IRGM: variants seen among roughly 807,000 people sequenced by gnomAD.
IRGM encodes the protein immunity related GTPase M, also known as immunity-related GTPase family M protein.
For missense variants in IRGM, 288 were observed against 219.9 expected (o/e 1.31, Z -1.96); for synonymous variants, 98 against 80.6 (o/e 1.22, Z -1.16).
chr5:150,864,511 T>C (rs576827725), intron 1 of IRGM, among the ~76,000 whole-genome samples: 2 of 152,262 alleles, frequency 1.3e-5, no homozygotes, highest in East Asian at 3.9e-4. Context: ...AGTCAACCCT[T>C]TCAAATCTCT....
At chr5:150,854,419 T>A (rs1376267304) in intron 1 of IRGM, among the ~76,000 whole-genome samples, 1 of 152,162 alleles carries the variant, frequency 6.6e-6, no homozygotes, top group South Asian at 2.1e-4. Flanking sequence ...TATTTTCCTA[T>A]GTGTTCAAGT....
At chr5:150,895,118 T>A in intron 3 of IRGM, 1 of 239,074 alleles carries the variant, frequency 4.2e-6, no homozygotes, top group Non-Finnish European at 8.0e-6. Flanking sequence ...AGTTTCACAA[T>A]GGCTGATTAT....
At chr5:150,895,742 G>T in intron 3 of IRGM, 1 of 1,613,430 alleles carries the variant, frequency 6.2e-7, no homozygotes, top group Non-Finnish European at 8.5e-7. Flanking sequence ...AGAAGGCTTT[G>T]CCACATTCAC....
intron 3 of IRGM, among the ~76,000 whole-genome samples, chr5:150,890,967 G>C (rs1254414567): frequency 1.3e-5 from 2 of 152,042 alleles, no homozygotes; most frequent in Middle Eastern, 3.2e-3. Flanking sequence ...TGATTTTGCT[G>C]TTCAAGTCTA....
chr5:150,873,458 C>A (rs1754316517), intron 1 of IRGM, among the ~76,000 whole-genome samples: 2 of 152,152 alleles, frequency 1.3e-5, no homozygotes, highest in South Asian at 4.1e-4. Flanking sequence ...AGACCTCTGG[C>A]CTTTTACCAG....
rs116028838 is a variant in IRGM at position 150,883,869 on chromosome 5, C to T, written c.*140+4223C>T. 3.6e-3 allele frequency among the ~76,000 whole-genome samples: 541 copies of T among 152,036 alleles called. 6 individuals carry two copies. The highest frequency in any genetic ancestry group is 0.012 in the African/African-American group (511 of 41,526). ...TCAAAAAAAATTAAAGAAGAAGGAA[C>T]ACTTCCAAACTGATTTTATAGGGTC... is the stretch of plus-strand genomic sequence containing the variant. On this transcript the variant is annotated intron_variant and NMD_transcript_variant, in intron 3 of 3. Transcript: ENST00000520549.
At chr5:150,879,857 A>G (rs114775845) in intron 3 of IRGM, among the ~76,000 whole-genome samples, 1,883 of 152,310 alleles carry the variant, frequency 0.012, 51 homozygotes, top group African/African-American at 0.044. Context: ...AGTACCAGAT[A>G]AAAAGATAGC....
intron 3 of IRGM, among the ~76,000 whole-genome samples, chr5:150,888,652 A>C (rs549345148): frequency 1.1e-4 from 16 of 152,094 alleles, no homozygotes; most frequent in Non-Finnish European, 2.2e-4. Context: ...AAGACTGAGA[A>C]AATCACTCAA....
chr5:150,852,166 C>CTTTGACAG (rs1260688004), downstream of IRGM, among the ~76,000 whole-genome samples: 1 of 152,128 alleles, frequency 6.6e-6, no homozygotes, highest in Non-Finnish European at 1.5e-5. Flanking sequence ...CATAAATCTG[C>CTTTGACAG]TTTGACAGTT....
downstream of IRGM, among the ~76,000 whole-genome samples, chr5:150,900,992 T>TA (rs754745569): frequency 1.3e-5 from 2 of 152,104 alleles, no homozygotes; most frequent in African/African-American, 4.8e-5. Context: ...AAACAATTTT[T>TA]ACAGCTCAGG....
chr5:150,876,068 C>T (rs1308034951), intron 1 of IRGM, among the ~76,000 whole-genome samples: 1 of 152,236 alleles, frequency 6.6e-6, no homozygotes, highest in East Asian at 1.9e-4. Flanking sequence ...AAGTGTGGCA[C>T]TGTGCTCATA....
At chr5:150,859,110 T>G (rs999321590) in intron 1 of IRGM, among the ~76,000 whole-genome samples, 15 of 152,328 alleles carry the variant, frequency 9.8e-5, no homozygotes, top group African/African-American at 1.2e-4. Flanking sequence ...CATCAATACC[T>G]AATTTATTGA....
At chr5:150,891,999 A>T (rs1327784616) in intron 3 of IRGM, among the ~76,000 whole-genome samples, 4 of 152,126 alleles carry the variant, frequency 2.6e-5, no homozygotes, top group Non-Finnish European at 5.9e-5. Flanking sequence ...AGCTCAGGGC[A>T]TTCACTGAAT....
Position 150,864,792 on chromosome 5 carries a change from A to AATG in IRGM, c.159-13187_159-13185dup, listed in dbSNP as rs564088289. On this transcript the variant is annotated intron_variant and NMD_transcript_variant, in intron 1 of 3. Coordinates refer to the IRGM transcript ENST00000520549. ...AAGCCACTATTGTAAATGCAATTTC[A>AATG]ATGGGTGTTTGTTGGAGGCAGCACG... Among the ~76,000 whole-genome samples the AATG allele has an allele frequency of 9.5e-4, 144 of 152,352 alleles. 1 individual carries two copies. The highest frequency in any genetic ancestry group is 3.3e-3 in the African/African-American group (138 of 41,592).
In IRGM at chr5:150,848,301, G is replaced by T. The variant is rs181858503; in HGVS notation, c.178G>T (p.Gly60Cys). The T allele has an allele frequency of 1.4e-4, 210 of 1,551,806 alleles. 1 individual carries two copies. The Admixed American group carries it at 4.1e-3, about 30-fold the overall frequency. Residue 60 changes from glycine (G) to cysteine (C), a missense_variant, in exon 2 of 2, where the codon GGT becomes TGT. Transcript: ENST00000522154. ...TGCCCTTCGAAACACAGGACATGAG[G>T]GTAAGGCCTCACCTCCTACTGAGCT... ...ISALRNTGHE[G>C]KASPPTELVK... is the part of the protein sequence containing the mutation.
intron 1 of IRGM, among the ~76,000 whole-genome samples, chr5:150,857,481 C>G (rs549933916): frequency 6.6e-6 from 1 of 150,892 alleles, no homozygotes; most frequent in Non-Finnish European, 1.5e-5. Context: ...ATTTCTAGTT[C>G]TAGATCCTTG....
chr5:150,852,932 C>G (rs1406571002), downstream of IRGM, among the ~76,000 whole-genome samples: 2 of 152,082 alleles, frequency 1.3e-5, no homozygotes, highest in East Asian at 3.8e-4. Flanking sequence ...GCAACATTCT[C>G]AAATGAATTA....
intron 1 of IRGM, among the ~76,000 whole-genome samples, chr5:150,859,886 C>G (rs1754111872): frequency 6.6e-6 from 1 of 151,964 alleles, no homozygotes; most frequent in Non-Finnish European, 1.5e-5. Context: ...TGGATCCATC[C>G]ATTTTCAACT....
chr5:150,880,363 G>T (rs1446864764), intron 3 of IRGM, among the ~76,000 whole-genome samples: 1 of 152,142 alleles, frequency 6.6e-6, no homozygotes, highest in Non-Finnish European at 1.5e-5. Flanking sequence ...AAAAATTGTA[G>T]AAATTTATGC....
Sources: allele counts gnomAD v4.1 joint callset (sites outside exome capture counted in the v4.1 genomes callset), GRCh38; gene constraint gnomAD v4.1.1; transcripts MANE v1.5; gene names NCBI Gene and HGNC (gene_info 2026-07-23, HGNC 2026-07-21).